LHPP: variants seen among roughly 807,000 people sequenced by gnomAD.
The protein encoded by LHPP is phospholysine phosphohistidine inorganic pyrophosphate phosphatase, also known as hLHPP.
A neutral mutation model predicts 30.3 loss-of-function variants in LHPP; 24 were observed. That is an observed-to-expected ratio of 0.79 (90% confidence interval 0.57 to 1.11). The LOEUF is 1.11. Among genes scored for constraint, LHPP ranks in the 50% most tolerant of loss-of-function variants. The pLI, the probability that LHPP is intolerant of heterozygous loss-of-function variation, is 0.00. For synonymous variants in LHPP, 150 were observed against 157.1 expected (o/e 0.95, Z 0.34); for missense variants, 356 against 367.2 (o/e 0.97, Z 0.25).
chr10:124,527,561 G>T (rs1954773861), intron 6 of LHPP, among the ~76,000 whole-genome samples: 1 of 152,088 alleles, frequency 6.6e-6, no homozygotes, highest in Non-Finnish European at 1.5e-5. Context: ...CTTTGCCCAG[G>T]CCCAGCCTGG....
At chr10:124,519,347 A>G (rs1433740327) in intron 6 of LHPP, among the ~76,000 whole-genome samples, 1 of 152,226 alleles carries the variant, frequency 6.6e-6, no homozygotes, top group Non-Finnish European at 1.5e-5. Flanking sequence ...TTCTTTTTAT[A>G]AAAATGGGAT....
chr10:124,565,585 C>G (rs1326127096), intron 6 of LHPP, among the ~76,000 whole-genome samples: 1 of 152,198 alleles, frequency 6.6e-6, no homozygotes, highest in Non-Finnish European at 1.5e-5. Flanking sequence ...AAGGGACGCA[C>G]TGGGGAGGAC....
At chr10:124,508,198 C>T (rs1954208115) in intron 5 of LHPP, among the ~76,000 whole-genome samples, 1 of 152,108 alleles carries the variant, frequency 6.6e-6, no homozygotes, top group African/African-American at 2.4e-5. Context: ...GCCTCCCTCC[C>T]CCATGGGTGT....
chr10:124,552,360 C>A (rs1043087009), intron 6 of LHPP, among the ~76,000 whole-genome samples: 5 of 152,226 alleles, frequency 3.3e-5, no homozygotes, highest in Admixed American at 2.6e-4. Flanking sequence ...AGGCTGATCA[C>A]CACCCTGCCA....
At chr10:124,520,170 A>C (rs997592274) in intron 6 of LHPP, among the ~76,000 whole-genome samples, 1 of 151,872 alleles carries the variant, frequency 6.6e-6, no homozygotes, top group Non-Finnish European at 1.5e-5. Flanking sequence ...TCAGGGGTAC[A>C]TGTGCAGGTT....
intron 6 of LHPP, among the ~76,000 whole-genome samples, chr10:124,587,738 T>TAAAAAAAAAAAAAAAAAAAAAAAAAAA (rs747954796): frequency 1.9e-5 from 1 of 53,004 alleles, no homozygotes; most frequent in African/African-American, 6.7e-5. Context: ...AGACTCCATC[T>TAAAAAAAAAAAAAAAAAAAAAAAAAAA]AAAAAAAAAA....
chr10:124,465,667 C>T (rs996686844), intron 1 of LHPP, among the ~76,000 whole-genome samples: 5 of 152,068 alleles, frequency 3.3e-5, no homozygotes, highest in Non-Finnish European at 7.4e-5. Flanking sequence ...GTTCAAGCCA[C>T]TCTTGTGCCT....
At chr10:124,565,385 G>C (rs564285907) in intron 6 of LHPP, among the ~76,000 whole-genome samples, 1 of 152,176 alleles carries the variant, frequency 6.6e-6, no homozygotes, top group Non-Finnish European at 1.5e-5. Context: ...CAGGCTCTCC[G>C]TGCAGGCCAT....
In LHPP at chr10:124,613,371, G is replaced by C; in HGVS notation, c.*11G>C. ...CACGCCGACAAGTGATGGCCTCCTGGGAGAGCCCCGCCTCCTCCACCCCTG... is the reference window on the plus strand; with the variant it reads ...CACGCCGACAAGTGATGGCCTCCTGCGAGAGCCCCGCCTCCTCCACCCCTG... On this transcript the variant is annotated 3_prime_UTR_variant, in exon 7 of 7. Coordinates refer to ENST00000368842, the MANE Select transcript of LHPP (RefSeq NM_022126.4). 1 of 1,599,972 alleles carries C rather than the reference G, an allele frequency of 6.3e-7. No individual in the cohort carries two copies. The highest frequency in any genetic ancestry group is 1.3e-5 in the African/African-American group (1 of 74,668).
At chr10:124,497,335 C>G (rs952864734) in intron 4 of LHPP, among the ~76,000 whole-genome samples, 1 of 151,376 alleles carries the variant, frequency 6.6e-6, no homozygotes. Context: ...TGGACCCTGC[C>G]GCTCTCCCAG....
At chr10:124,501,113 C>T (rs1953884618) in intron 5 of LHPP, among the ~76,000 whole-genome samples, 1 of 151,344 alleles carries the variant, frequency 6.6e-6, no homozygotes, top group Non-Finnish European at 1.5e-5. Flanking sequence ...TGTAGATGAA[C>T]CTTGGTAGCA....
chr10:124,611,490 G>A (rs1949197309), intron 6 of LHPP, among the ~76,000 whole-genome samples: 1 of 152,002 alleles, frequency 6.6e-6, no homozygotes, highest in South Asian at 2.1e-4. Flanking sequence ...ACAAGCAGGT[G>A]GGCAAGGAAG....
chr10:124,530,776 T>C (rs943827436), intron 6 of LHPP, among the ~76,000 whole-genome samples: 1 of 152,140 alleles, frequency 6.6e-6, no homozygotes, highest in Non-Finnish European at 1.5e-5. Flanking sequence ...CTGCCACCCT[T>C]CACGGGTGCA....
Position 124,517,037 on chromosome 10 carries a change from A to G in LHPP, c.625-143A>G, listed in dbSNP as rs1266292683. ...GGTGGGTTGACTTTTAATCAATACG[A>G]TGACAATATTATCTTGTTTAATTTG... is the stretch of plus-strand genomic sequence containing the variant. On this transcript the variant is annotated intron_variant, in intron 5 of 6. Transcript: ENST00000368842. This position sits in a 1 kb window ranked among gnomAD's most constrained non-coding sequence, Gnocchi z 4.1. 3.4e-6 allele frequency: 2 copies of G among 587,160 alleles called. No individual in the cohort carries two copies. Among genetic ancestry groups the G allele is most frequent in the Non-Finnish European group, 5.9e-6 (2 of 338,554 alleles). 36.4% of individuals were successfully genotyped at this position (587,160 alleles called of 1,614,324 possible). A position where few individuals can be genotyped will look rare whatever the true frequency, so the allele number is the denominator to read the frequency against.
At chr10:124,612,841 C>G (rs2134025316) in intron 6 of LHPP, 1 of 175,698 alleles carries the variant, frequency 5.7e-6, no homozygotes, top group East Asian at 1.6e-4. Flanking sequence ...GCTGTCCCCA[C>G]AGTGCACATG....
chr10:124,569,233 C>G (rs2064451814), intron 6 of LHPP, among the ~76,000 whole-genome samples: 1 of 152,202 alleles, frequency 6.6e-6, no homozygotes, highest in Non-Finnish European at 1.5e-5. Context: ...AGACAGGCCA[C>G]TGGGAGGCCC....
intron 3 of LHPP, among the ~76,000 whole-genome samples, chr10:124,492,556 A>G (rs1953566386): frequency 6.6e-6 from 1 of 152,240 alleles, no homozygotes. Flanking sequence ...GTCCACCCAC[A>G]TTGCGGAAGG....
intron 6 of LHPP, among the ~76,000 whole-genome samples, chr10:124,563,616 T>C (rs2133973110): frequency 6.6e-6 from 1 of 152,362 alleles, no homozygotes; most frequent in South Asian, 2.1e-4. Flanking sequence ...TTGACTTTGA[T>C]ATTGTTCTAT....
chr10:124,497,311 C>T (rs1282904491), intron 4 of LHPP, among the ~76,000 whole-genome samples: 1 of 106,492 alleles, frequency 9.4e-6, no homozygotes, highest in Admixed American at 9.4e-5. Context: ...GGGCGCAGCC[C>T]CCCCTGCCCG....
Sources: gnomAD v4.1 joint callset for allele counts (sites outside exome capture counted in the v4.1 genomes callset) on GRCh38, gnomAD v4.1.1 for gene constraint, Gnocchi (gnomAD v3.1) non-coding constraint, MANE v1.5 for transcripts, NCBI Gene and HGNC (gene_info 2026-07-23, HGNC 2026-07-21) for gene names.